LY75: variants seen among roughly 807,000 people sequenced by gnomAD.
LY75 encodes lymphocyte antigen 75.
In LY75, 185 loss-of-function variants were observed where a neutral mutation model predicts 231.7. The ratio of observed to expected loss-of-function variants is 0.80; its 90% CI spans 0.71 to 0.90. The LOEUF (loss-of-function observed/expected upper bound fraction) is 0.90, where lower values mean the gene tolerates loss of function less well. Ranked by LOEUF, LY75 falls within the 40% of genes least tolerant of loss-of-function variation. LY75 has a pLI of 0.00. For missense variants in LY75, 1,947 were observed against 2,050.2 expected, an observed-to-expected ratio of 0.95 and a Z score of 0.97; for synonymous variants, 668 against 689.0, an observed-to-expected ratio of 0.97 and a Z score of 0.48.
In LY75 at chr2:159,904,734, G is replaced by T; in HGVS notation, c.-52C>A. The T allele has an allele frequency of 7.3e-7, 1 of 1,364,066 alleles. No homozygotes were observed. The highest frequency in any genetic ancestry group is 9.4e-7 in the Non-Finnish European group (1 of 1,063,618). 84.5% of individuals were successfully genotyped at this position (1,364,066 alleles called of 1,614,324 possible). A position where few individuals can be genotyped will look rare whatever the true frequency, so the allele number is the denominator to read the frequency against. The stretch of plus-strand genomic sequence containing the variant: ...GGGTCCTCGGGCGCACGCGGCTCCC[G>T]CCCCGCCTGCTGAGCGCGGCCTGCC... On this transcript the variant is annotated 5_prime_UTR_variant, in exon 1 of 35. Transcript: ENST00000263636.
chr2:159,820,655 C>T (rs1159177163), intron 28 of LY75, among the ~76,000 whole-genome samples: 1 of 152,158 alleles, frequency 6.6e-6, no homozygotes, highest in South Asian at 2.1e-4. Context: ...AACCAACCAC[C>T]ACCTGTTCCC....
chr2:159,852,169 A>G, intron 21 of LY75, 32 bp downstream of exon 21: 10 of 1,607,778 alleles, frequency 6.2e-6, no homozygotes, highest in Non-Finnish European at 8.5e-6. Flanking sequence ...GGAAGCAATC[A>G]TTGTTGCATA....
chr2:159,864,421 G>A (rs1231237717), intron 14 of LY75, among the ~76,000 whole-genome samples: 4 of 152,048 alleles, frequency 2.6e-5, no homozygotes, highest in African/African-American at 9.7e-5. Context: ...TTTGTATATG[G>A]TATGAGATAA....
At position 159,816,917 on chromosome 2, in the gene LY75, A is replaced by G; in HGVS notation, c.4269T>C (p.Ser1423=). 1 of 1,614,200 alleles carries G rather than the reference A, an allele frequency of 6.2e-7. No homozygotes were observed. Among genetic ancestry groups the G allele is most frequent in the Non-Finnish European group, 8.5e-7 (1 of 1,180,030 alleles). ...VTWYEALNMC[S]QSGGHLASVH... The stretch of plus-strand genomic sequence containing the variant: ...CGCTTGCCAAGTGACCTCCACTTTG[A>G]GAACACATGTTTAATGCTTCATACC... The change falls in exon 30 of 35, where the codon TCT becomes TCC. Residue 1423 remains serine (S), a synonymous_variant. Transcript: ENST00000263636.
intron 25 of LY75, among the ~76,000 whole-genome samples, 180 bp downstream of exon 25, chr2:159,840,549 G>A (rs938114080): frequency 2.0e-5 from 3 of 152,198 alleles, no homozygotes; most frequent in South Asian, 2.1e-4. Flanking sequence ...TCCAGCCTGG[G>A]TGACAGTGTG....
At chr2:159,808,631 T>G in intron 32 of LY75, 60 bp from the exon 33 acceptor site, 1 of 1,592,150 alleles carries the variant, frequency 6.3e-7, no homozygotes, top group Non-Finnish European at 8.5e-7. Flanking sequence ...TAGTTTATTC[T>G]CAACTAGCCA....
chr2:159,825,560 A>G (rs964439444), intron 28 of LY75, among the ~76,000 whole-genome samples: 1 of 152,234 alleles, frequency 6.6e-6, no homozygotes, highest in Non-Finnish European at 1.5e-5. Flanking sequence ...TCCTTCTGAA[A>G]CTATTCCAAA....
chr2:159,898,274 C>G (rs927567144), intron 2 of LY75, among the ~76,000 whole-genome samples: 9 of 152,072 alleles, frequency 5.9e-5, no homozygotes, highest in African/African-American at 2.2e-4. Flanking sequence ...ACCACTACGC[C>G]TGACCTTTCT....
intron 3 of LY75, among the ~76,000 whole-genome samples, chr2:159,892,536 ATC>A (rs1288030330): frequency 6.6e-6 from 1 of 152,218 alleles, no homozygotes; most frequent in Non-Finnish European, 1.5e-5. Context: ...CTGAAACAGT[ATC>A]TGACACCTGG....
intron 14 of LY75, 69 bp from the exon 15 acceptor site, chr2:159,860,958 A>G: frequency 6.3e-7 from 1 of 1,583,622 alleles, no homozygotes; most frequent in Non-Finnish European, 8.7e-7. Flanking sequence ...GATGTAATTT[A>G]GGCAGCCTTA....
intron 23 of LY75, 33 bp downstream of exon 23, chr2:159,849,947 G>A: frequency 6.2e-7 from 1 of 1,602,206 alleles, no homozygotes; most frequent in Non-Finnish European, 8.5e-7. Context: ...TTTCACAGAG[G>A]TATGAAGAGT....
chr2:159,898,809 C>G lies in LY75; in HGVS notation c.345G>C (p.Leu115=). 6.2e-7 allele frequency: 1 copy of G among 1,614,214 alleles called. No individual in the cohort carries two copies. The highest frequency in any genetic ancestry group is 8.5e-7 in the Non-Finnish European group (1 of 1,180,024). The change falls in exon 2 of 35, where the codon CTG becomes CTC. Residue 115 remains leucine, a synonymous_variant. Coordinates refer to ENST00000263636, the MANE Select transcript of LY75 (RefSeq NM_002349.4). ...MLWWKCEHHS[L]YGAARYRLAL... ...CCAGCCGGTACCGGGCAGCTCCGTA[C>G]AGAGAGTGGTGCTCACATTTCCACC...
chr2:159,853,093 T>C (rs1162766107), intron 20 of LY75, among the ~76,000 whole-genome samples, 180 bp downstream of exon 20: 1 of 152,240 alleles, frequency 6.6e-6, no homozygotes, highest in Non-Finnish European at 1.5e-5. Context: ...AGTTAAAATA[T>C]TCACAGTGAA....
intron 23 of LY75, among the ~76,000 whole-genome samples, chr2:159,846,775 T>A (rs76376747): frequency 0.047 from 7,188 of 152,224 alleles, 515 homozygotes; most frequent in African/African-American, 0.16. Context: ...ATCAGCATAT[T>A]TGATATTTCC....
At position 159,834,063 on chromosome 2, in the gene LY75, A is replaced by G. The variant is rs766033216; in HGVS notation, c.3822T>C (p.His1274=). ...RHMATTQDEV[H]TKCQKLNPKS... is the part of the protein sequence containing the mutation. ...ACTTACTCAGTTTCTGGCATTTAGT[A>G]TGAACTTCATCCTGTGTTGTTGCCA... The change falls in exon 27 of 35, where the codon CAT becomes CAC. Residue 1274 remains histidine, a synonymous_variant. Coordinates refer to ENST00000263636, the MANE Select transcript of LY75 (RefSeq NM_002349.4). 7.4e-6 allele frequency: 12 copies of G among 1,613,566 alleles called. No individual in the cohort carries two copies. The highest frequency in any genetic ancestry group is 5.0e-5 in the Admixed American group (3 of 59,986).
rs5835767 is a variant in LY75 at position 159,803,628 on chromosome 2, A to ATGCTC, written c.*1415_*1416insGAGCA. ...ATAAATCTATGGATTTTATACAAAAATAAAGTACAAATGTAAGTTAAATGC... is the reference window on the plus strand; with the variant it reads ...ATAAATCTATGGATTTTATACAAAAATGCTCTAAAGTACAAATGTAAGTTAAATGC... On this transcript the variant is annotated 3_prime_UTR_variant, in exon 35 of 35. Coordinates refer to ENST00000263636, the MANE Select transcript of LY75 (RefSeq NM_002349.4). 6 of 151,940 alleles carry ATGCTC rather than the reference A, an allele frequency of 3.9e-5. No homozygotes were observed. The highest frequency in any genetic ancestry group is 7.4e-5 in the Non-Finnish European group (5 of 67,960). 9.4% of individuals were successfully genotyped at this position (151,940 alleles called of 1,614,324 possible).
intron 1 of LY75, among the ~76,000 whole-genome samples, chr2:159,900,760 T>C (rs1049336650): frequency 6.6e-6 from 1 of 152,206 alleles, no homozygotes; most frequent in African/African-American, 2.4e-5. Flanking sequence ...CCTTTAAAGC[T>C]TAAAGTTATT....
chr2:159,835,365 G>A (rs1683786951), intron 26 of LY75, 115 bp downstream of exon 26: 2 of 1,139,718 alleles, frequency 1.8e-6, no homozygotes, highest in Non-Finnish European at 2.3e-6. Context: ...AAAAAGACAT[G>A]ACTATAATTT....
chr2:159,832,167 A>C (rs1683682537), intron 27 of LY75, among the ~76,000 whole-genome samples: 1 of 152,192 alleles, frequency 6.6e-6, no homozygotes. Context: ...GAACTATAAC[A>C]GGGGTTCCCA....
Sources: allele counts gnomAD v4.1 joint callset (sites outside exome capture counted in the v4.1 genomes callset), GRCh38; gene constraint gnomAD v4.1.1; transcripts MANE v1.5; gene names NCBI Gene and HGNC (gene_info 2026-07-23, HGNC 2026-07-21).